The following SIM2 variants were observed in gnomAD, a reference collection of about 807,000 sequenced individuals.
The protein encoded by SIM2 is single-minded homolog 2.
Under a neutral mutation model 64.8 loss-of-function variants are expected in SIM2, and 28 were observed. The observed-to-expected ratio is 0.43, with a 90% confidence interval of 0.32 to 0.59. The LOEUF is 0.59. Among genes scored for constraint, SIM2 ranks in the 20% least tolerant of loss-of-function variants. The pLI, the probability that SIM2 is intolerant of heterozygous loss-of-function variation, is 0.07. For missense variants in SIM2, 847 were observed against 871.4 expected, an observed-to-expected ratio of 0.97 and a Z score of 0.35; for synonymous variants, 408 against 391.1, an observed-to-expected ratio of 1.04 and a Z score of -0.51.
chr21:36,733,028 C>T (rs142495142), intron 7 of SIM2, among the ~76,000 whole-genome samples: 10 of 152,196 alleles, frequency 6.6e-5, no homozygotes, highest in East Asian at 1.9e-4. Context: ...ACTGTTGGGG[C>T]GGAGGGGCTG....
rs1187077934 is a variant in SIM2 at position 36,749,365 on chromosome 21, G to A, written c.*1273G>A. 1 of 152,138 alleles carries A rather than the reference G, an allele frequency of 6.6e-6. No individual in the cohort carries two copies. The highest frequency in any genetic ancestry group is 2.4e-5 in the African/African-American group (1 of 41,356). The allele number at this position is 152,138 out of a possible 1,614,324, so 9.4% of individuals were successfully genotyped here. On this transcript the variant is annotated 3_prime_UTR_variant, in exon 11 of 11. Transcript: ENST00000290399. The stretch of plus-strand genomic sequence containing the variant: ...GAAACTTTTTCCACCTTTCTGAATG[G>A]AAAGAGGTTTTCACAAATGTTTTAA...
intron 1 of SIM2, among the ~76,000 whole-genome samples, chr21:36,702,933 T>C (rs1289701548): frequency 1.6e-5 from 1 of 63,828 alleles, no homozygotes; most frequent in Non-Finnish European, 3.0e-5. Context: ...CTTAGGACTC[T>C]GGGAGGAAGA....
chr21:36,735,484 C>T (rs1010561352), intron 7 of SIM2, among the ~76,000 whole-genome samples: 3 of 152,228 alleles, frequency 2.0e-5, no homozygotes, highest in East Asian at 1.9e-4. Flanking sequence ...GTCCTTACAC[C>T]CACACCACTG....
chr21:36,727,412 A>G (rs986011500), intron 6 of SIM2, among the ~76,000 whole-genome samples: 4 of 152,198 alleles, frequency 2.6e-5, no homozygotes, highest in East Asian at 3.9e-4. Flanking sequence ...TGTGGGGTAC[A>G]TTGTGATGCT....
chr21:36,722,997 G>T, intron 4 of SIM2, 48 bp from the exon 5 acceptor site: 1 of 1,446,412 alleles, frequency 6.9e-7, no homozygotes. Flanking sequence ...TAAGGATGGG[G>T]GAAGCACGGA....
At chr21:36,740,026 A>G (rs897338674) in intron 7 of SIM2, among the ~76,000 whole-genome samples, 6 of 77,336 alleles carry the variant, frequency 7.8e-5, no homozygotes, top group Non-Finnish European at 1.7e-4. Flanking sequence ...AAAGAAAGAA[A>G]GAAAGAAAGA....
intron 3 of SIM2, 51 bp from the exon 4 acceptor site, chr21:36,719,770 C>A (rs148964523): frequency 1.8e-6 from 2 of 1,130,382 alleles, no homozygotes; most frequent in Admixed American, 3.4e-5. Flanking sequence ...CCTCCCCCTG[C>A]GCCAATCCCA....
At chr21:36,708,116 C>A (rs930723754) in intron 1 of SIM2, among the ~76,000 whole-genome samples, 4 of 152,196 alleles carry the variant, frequency 2.6e-5, no homozygotes, top group Non-Finnish European at 4.4e-5. Flanking sequence ...GGCGGTGCAC[C>A]GACCCTCGCC....
rs552531208 is a variant in SIM2 at position 36,714,648 on chromosome 21, G to A, written c.348+2026G>A. On this transcript the variant is annotated intron_variant, in intron 3 of 10. Coordinates refer to ENST00000290399, the MANE Select transcript of SIM2 (RefSeq NM_005069.6). ...TCCTTTGGGGGCTCCTATTAGGGCTGCTTGGTCATTTGGAATGTCCTGGCC... is the reference window on the plus strand; with the variant it reads ...TCCTTTGGGGGCTCCTATTAGGGCTACTTGGTCATTTGGAATGTCCTGGCC... 2.0e-5 allele frequency among the ~76,000 whole-genome samples: 3 copies of A among 152,324 alleles called. No individual in the cohort carries two copies. The South Asian group carries it at 6.2e-4, about 32-fold the overall frequency.
chr21:36,709,355 C>T (rs1226781431), intron 2 of SIM2, 105 bp downstream of exon 2: 1 of 939,852 alleles, frequency 1.1e-6, no homozygotes, highest in East Asian at 2.6e-5. Flanking sequence ...CAGGCAGATC[C>T]AGAGGCTGCC....
chr21:36,741,790 G>C lies in SIM2; in HGVS notation c.924G>C (p.Gln308His), dbSNP rs1295196712. 6.2e-7 allele frequency: 1 copy of C among 1,612,768 alleles called. No individual in the cohort carries two copies. The highest frequency in any genetic ancestry group is 8.5e-7 in the Non-Finnish European group (1 of 1,179,796). The change falls in exon 8 of 11, where the codon CAG (glutamine) becomes CAC (histidine). Residue 308 changes from glutamine (Q) to histidine (H), a missense_variant. Transcript: ENST00000290399. ...AGCGGGGCGGCTGGGTGTGGGTGCA[G>C]AGCTACGCCACCGTGGTGCACAACA... is the stretch of plus-strand genomic sequence containing the variant. The part of the protein sequence containing the change: ...LSKRGGWVWV[Q>H]SYATVVHNSR...
intron 1 of SIM2, among the ~76,000 whole-genome samples, chr21:36,700,127 C>G (rs532779406): frequency 6.6e-6 from 1 of 152,220 alleles, no homozygotes; most frequent in African/African-American, 2.4e-5. Context: ...CGACCAAACC[C>G]TCTCCTGGTC....
At chr21:36,700,735 G>C (rs1254678528) in intron 1 of SIM2, among the ~76,000 whole-genome samples, 1 of 152,200 alleles carries the variant, frequency 6.6e-6, no homozygotes, top group Non-Finnish European at 1.5e-5. Context: ...GGAAGTCCGG[G>C]CAGGAGAGAC....
chr21:36,743,462 C>G lies in SIM2; in HGVS notation c.1074C>G (p.Thr358=), dbSNP rs111561480. Residue 358 remains threonine (T), a synonymous_variant, in exon 9 of 11, where the codon ACC becomes ACG. Coordinates refer to ENST00000290399, the MANE Select transcript of SIM2 (RefSeq NM_005069.6). ...CCAAGTCCCAGGACTCCTGGAGGAC[C>G]GCCTTGTCTACCTCACAAGAAACTA... ...STAKSQDSWR[T]ALSTSQETRK... is the part of the protein sequence containing the mutation. The G allele has an allele frequency of 2.2e-4, 349 of 1,614,046 alleles. 2 individuals are homozygous for G. The African/African-American group carries it at 3.9e-3, about 18-fold the overall frequency.
chr21:36,709,598 G>A lies in SIM2; in HGVS notation c.258+348G>A, dbSNP rs116836577. 1.0e-3 allele frequency: 444 copies of A among 425,444 alleles called. 2 individuals carry two copies. Among genetic ancestry groups the A allele is most frequent in the African/African-American group, 8.3e-3 (407 of 49,100 alleles). 26.4% of individuals were successfully genotyped at this position (425,444 alleles called of 1,614,324 possible). Reference sequence around the variant, plus strand: ...CCACCCAGCGCTTGCTCTGTGCCAGGCGCCAGGGCTGGAGCAGCAGAAATG... The same window carrying A: ...CCACCCAGCGCTTGCTCTGTGCCAGACGCCAGGGCTGGAGCAGCAGAAATG... On this transcript the variant is annotated intron_variant, in intron 2 of 10. Coordinates refer to ENST00000290399, the MANE Select transcript of SIM2 (RefSeq NM_005069.6).
In SIM2 at chr21:36,740,053, AAGAAAG is replaced by A. The variant is rs1333786100; in HGVS notation, c.851-1658_851-1653del. On this transcript the variant is annotated intron_variant, in intron 7 of 10. Transcript: ENST00000290399. ...AAAGAAAGAAAGAAAGAAAGAAAGAAAGAAAGAGAAAATGCCACTCACCATAGATTA... is the reference window on the plus strand; with the variant it reads ...AAAGAAAGAAAGAAAGAAAGAAAGAAAGAAAATGCCACTCACCATAGATTA... Among the ~76,000 whole-genome samples, 345 of 132,504 alleles carry A rather than the reference AAGAAAG, an allele frequency of 2.6e-3. 1 individual carries two copies. The highest frequency in any genetic ancestry group is 8.0e-3 in the African/African-American group (310 of 38,862). The allele number at this position is 132,504 out of a possible 152,430, so 86.9% of individuals were successfully genotyped here.
chr21:36,743,022 C>A (rs1260521732), intron 8 of SIM2, among the ~76,000 whole-genome samples: 1 of 152,150 alleles, frequency 6.6e-6, no homozygotes, highest in Non-Finnish European at 1.5e-5. Flanking sequence ...ACTGGAGAGG[C>A]AGCTGGGCCA....
chr21:36,741,999 T>C (rs1002241958), intron 8 of SIM2, 135 bp downstream of exon 8: 1 of 1,062,404 alleles, frequency 9.4e-7, no homozygotes, highest in Non-Finnish European at 1.3e-6. Flanking sequence ...TTCTTTTTTT[T>C]AATTTTTTTT....
At chr21:36,718,113 A>G (rs1193536969) in intron 3 of SIM2, among the ~76,000 whole-genome samples, 1 of 151,374 alleles carries the variant, frequency 6.6e-6, no homozygotes, top group Non-Finnish European at 1.5e-5. Context: ...AATGTAAAAC[A>G]TAGAACTGTG....
Sources: gnomAD v4.1 joint callset for allele counts (sites outside exome capture counted in the v4.1 genomes callset) on GRCh38, gnomAD v4.1.1 for gene constraint, MANE v1.5 for transcripts, NCBI Gene and HGNC (gene_info 2026-07-23, HGNC 2026-07-21) for gene names.